The following CACNG4 variants were observed in gnomAD, a reference collection of about 807,000 sequenced individuals.
CACNG4 encodes the protein calcium voltage-gated channel auxiliary subunit gamma 4, also known as voltage-dependent calcium channel gamma-4 subunit.
A neutral mutation model predicts 22.9 loss-of-function variants in CACNG4; 8 were observed. The ratio of observed to expected loss-of-function variants is 0.35; its 90% CI spans 0.21 to 0.63. The LOEUF (loss-of-function observed/expected upper bound fraction) is 0.63, where lower values mean the gene tolerates loss of function less well. Ranked by LOEUF, CACNG4 falls within the 30% of genes least tolerant of loss-of-function variation. The pLI is 0.72. For missense variants in CACNG4, 357 were observed against 455.4 expected (o/e 0.78, Z 1.97); for synonymous variants, 188 against 191.9 (o/e 0.98, Z 0.17).
At chr17:66,985,679 C>T (rs1393472678) in intron 1 of CACNG4, among the ~76,000 whole-genome samples, 1 of 152,220 alleles carries the variant, frequency 6.6e-6, no homozygotes, top group Non-Finnish European at 1.5e-5. Flanking sequence ...ATCCAGCAGA[C>T]ATTTTATGGA....
At chr17:66,998,877 G>T (rs1190554158) in intron 1 of CACNG4, among the ~76,000 whole-genome samples, 4 of 152,232 alleles carry the variant, frequency 2.6e-5, no homozygotes, top group Non-Finnish European at 5.9e-5. Flanking sequence ...GACAGAAGCT[G>T]GTGAAGGGGA....
intron 1 of CACNG4, among the ~76,000 whole-genome samples, chr17:66,983,691 T>C (rs998485653): frequency 6.6e-6 from 1 of 152,210 alleles, no homozygotes; most frequent in Non-Finnish European, 1.5e-5. Flanking sequence ...AAAATCATTC[T>C]GCTCGAGACA....
intron 1 of CACNG4, among the ~76,000 whole-genome samples, chr17:66,985,654 A>T (rs924593388): frequency 1.3e-5 from 2 of 152,216 alleles, no homozygotes; most frequent in African/African-American, 2.4e-5. Context: ...GCAGTCTCCT[A>T]TTCATTCTTT....
intron 1 of CACNG4, among the ~76,000 whole-genome samples, chr17:66,969,165 C>T (rs890373941): frequency 9.2e-5 from 14 of 152,180 alleles, no homozygotes; most frequent in South Asian, 2.1e-4. Context: ...CAGAAGAGCC[C>T]GTGTAGACGT....
chr17:66,997,989 G>A (rs921952307), intron 1 of CACNG4, among the ~76,000 whole-genome samples: 2 of 152,172 alleles, frequency 1.3e-5, no homozygotes, highest in African/African-American at 4.8e-5. Flanking sequence ...GATTAGGAGG[G>A]CGTGAGAGAG....
At chr17:67,029,048 A>G (rs1395836901) in intron 3 of CACNG4, among the ~76,000 whole-genome samples, 1 of 152,198 alleles carries the variant, frequency 6.6e-6, no homozygotes, top group African/African-American at 2.4e-5. Context: ...AAATCCAAGT[A>G]AAGGCTGGGC....
intron 1 of CACNG4, among the ~76,000 whole-genome samples, chr17:67,009,239 T>C (rs2035454285): frequency 6.6e-6 from 1 of 152,098 alleles, no homozygotes; most frequent in Admixed American, 6.5e-5. Flanking sequence ...TGTAAGGCAA[T>C]AACTTTCTGT....
At chr17:67,002,392 C>T (rs2035413519) in intron 1 of CACNG4, among the ~76,000 whole-genome samples, 1 of 152,180 alleles carries the variant, frequency 6.6e-6, no homozygotes, top group African/African-American at 2.4e-5. Context: ...TGCGTGGGGA[C>T]ATAGCCAAAC....
intron 1 of CACNG4, among the ~76,000 whole-genome samples, chr17:67,013,547 G>A (rs1292330730): frequency 6.6e-6 from 1 of 152,104 alleles, no homozygotes; most frequent in Non-Finnish European, 1.5e-5. Context: ...GCTCACACCC[G>A]TAAACCCAGC....
At chr17:66,988,990 G>T (rs1033521312) in intron 1 of CACNG4, among the ~76,000 whole-genome samples, 1 of 151,074 alleles carries the variant, frequency 6.6e-6, no homozygotes, top group Non-Finnish European at 1.5e-5. Flanking sequence ...GAATCCAGTA[G>T]GTGGAGGTTG....
At chr17:66,978,037 C>T (rs1441743206) in intron 1 of CACNG4, among the ~76,000 whole-genome samples, 2 of 152,152 alleles carry the variant, frequency 1.3e-5, no homozygotes, top group East Asian at 1.9e-4. Flanking sequence ...CAGGGCTCCC[C>T]GCACATCTGT....
At chr17:67,009,670 T>C (rs1475313635) in intron 1 of CACNG4, among the ~76,000 whole-genome samples, 1 of 152,150 alleles carries the variant, frequency 6.6e-6, no homozygotes, top group Non-Finnish European at 1.5e-5. Flanking sequence ...GGCTGCGAAG[T>C]CCAAGATCAA....
At chr17:67,028,022 A>G (rs921045248) in intron 3 of CACNG4, among the ~76,000 whole-genome samples, 1 of 152,050 alleles carries the variant, frequency 6.6e-6, no homozygotes, top group Non-Finnish European at 1.5e-5. Flanking sequence ...TCTGTCTCAA[A>G]AAAAATAAAT....
At chr17:66,985,672 C>T (rs116196240) in intron 1 of CACNG4, among the ~76,000 whole-genome samples, 3,888 of 152,262 alleles carry the variant, frequency 0.026, 150 homozygotes, top group African/African-American at 0.089. Flanking sequence ...TTTATTCATC[C>T]AGCAGACATT....
At chr17:67,009,322 T>C (rs2035454940) in intron 1 of CACNG4, among the ~76,000 whole-genome samples, 1 of 152,180 alleles carries the variant, frequency 6.6e-6, no homozygotes, top group African/African-American at 2.4e-5. Flanking sequence ...CTCTCAGTGC[T>C]GGAATGATCT....
At chr17:66,972,983 C>T (rs897223523) in intron 1 of CACNG4, among the ~76,000 whole-genome samples, 4 of 151,454 alleles carry the variant, frequency 2.6e-5, no homozygotes, top group East Asian at 1.9e-4. Flanking sequence ...CAGTGGCTCG[C>T]GCCTATAATC....
chr17:67,015,681 G>C (rs2035493177), intron 1 of CACNG4, among the ~76,000 whole-genome samples: 3 of 152,180 alleles, frequency 2.0e-5, no homozygotes, highest in African/African-American at 7.2e-5. Flanking sequence ...GAAGACACAC[G>C]GTGGACTTAG....
chr17:67,031,854 CTG>C lies in CACNG4; in HGVS notation c.*852_*853del. On this transcript the variant is annotated 3_prime_UTR_variant, in exon 4 of 4. Coordinates refer to ENST00000262138, the MANE Select transcript of CACNG4 (RefSeq NM_014405.4). The surrounding 1 kb of genome is among the most constrained non-coding windows in gnomAD (Gnocchi z 4.0). The stretch of plus-strand genomic sequence containing the variant: ...CTTGTCATAGACCCAAGGAGCAACT[CTG>C]TCCCCTGAGCGTTGGGGGTCCCGGG... 4.4e-6 allele frequency: 2 copies of C among 456,704 alleles called. No homozygotes were observed. The highest frequency in any genetic ancestry group is 3.1e-5 in the South Asian group (2 of 64,566). The allele number at this position is 456,704 out of a possible 1,614,324, so 28.3% of individuals were successfully genotyped here.
At chr17:67,019,082 C>T (rs925432401) in intron 2 of CACNG4, among the ~76,000 whole-genome samples, 1 of 152,158 alleles carries the variant, frequency 6.6e-6, no homozygotes, top group East Asian at 1.9e-4. Context: ...TTAACCAAGA[C>T]ACACAAAGAG....
Sources: allele counts gnomAD v4.1 joint callset (sites outside exome capture counted in the v4.1 genomes callset), GRCh38; gene constraint gnomAD v4.1.1; non-coding constraint Gnocchi (gnomAD v3.1); transcripts MANE v1.5; gene names NCBI Gene and HGNC (gene_info 2026-07-23, HGNC 2026-07-21).